Variants in SUGCT observed in about 807,000 individuals in gnomAD.
SUGCT encodes the protein succinyl-CoA:glutarate-CoA transferase, also known as succinyl-CoA:glutarate CoA-transferase.
SUGCT carries 41 observed loss-of-function variants against 55.0 expected under a neutral mutation model. The ratio of observed to expected loss-of-function variants is 0.74; its 90% CI spans 0.58 to 0.97. The LOEUF is 0.97. Among genes scored for constraint, SUGCT ranks in the 50% least tolerant of loss-of-function variants. The probability of loss-of-function intolerance (pLI) is 0.00; values close to 1 mark genes in which losing one functional copy is unlikely to be tolerated. For missense variants in SUGCT, 568 were observed against 547.8 expected, an observed-to-expected ratio of 1.04 and a Z score of -0.37; for synonymous variants, 187 against 200.4, an observed-to-expected ratio of 0.93 and a Z score of 0.56.
intron 12 of SUGCT, among the ~76,000 whole-genome samples, chr7:40,581,758 GC>G (rs1257405859): frequency 2.0e-5 from 3 of 152,144 alleles, no homozygotes; most frequent in Non-Finnish European, 4.4e-5. Context: ...TACAAATAGT[GC>G]CTAATTTATG....
intron 11 of SUGCT, among the ~76,000 whole-genome samples, chr7:40,484,150 C>T (rs1791205305): frequency 6.6e-6 from 1 of 152,130 alleles, no homozygotes; most frequent in East Asian, 1.9e-4. Context: ...CTTATCTTCT[C>T]AATGAATTTT....
intron 12 of SUGCT, among the ~76,000 whole-genome samples, chr7:40,729,925 C>T (rs1233327703): frequency 6.6e-6 from 1 of 152,094 alleles, no homozygotes; most frequent in African/African-American, 2.4e-5. Flanking sequence ...GTGAAATCTC[C>T]AAATTTTCAA....
At chr7:40,361,094 A>G (rs1419584144) in intron 9 of SUGCT, among the ~76,000 whole-genome samples, 1 of 152,126 alleles carries the variant, frequency 6.6e-6, no homozygotes, top group Non-Finnish European at 1.5e-5. Flanking sequence ...GTTATTAGGA[A>G]AGATGAGAGG....
chr7:40,772,565 GTGTTATCTATCTGCTATCTATCTATC>G (rs1430311872), intron 13 of SUGCT, among the ~76,000 whole-genome samples: 62 of 119,022 alleles, frequency 5.2e-4, no homozygotes, highest in African/African-American at 1.9e-3. Context: ...TATCTATCTG[GTGTTATCTATCTGCTATCTATCTATC>G]TATCTATCTA....
At chr7:41,036,691 T>C in the SUGCT span, among the ~76,000 whole-genome samples, 8,497 of 152,250 alleles carry the variant, frequency 0.056, 324 homozygotes, top group Non-Finnish European at 0.077. Context: ...ACCTAATAGC[T>C]GCCACTGCTG....
chr7:40,224,018 G>T (rs1404247966), intron 6 of SUGCT, among the ~76,000 whole-genome samples: 1 of 152,054 alleles, frequency 6.6e-6, no homozygotes, highest in Admixed American at 6.6e-5. Context: ...CCAGCTATAG[G>T]GAATTGGTTT....
At chr7:40,726,817 C>T (rs1218025033) in intron 12 of SUGCT, among the ~76,000 whole-genome samples, 5 of 152,062 alleles carry the variant, frequency 3.3e-5, no homozygotes, top group Admixed American at 3.3e-4. Context: ...GTGGGAGGAA[C>T]AAGTGTGATC....
chr7:40,718,783 C>T (rs1042117994), intron 12 of SUGCT, among the ~76,000 whole-genome samples: 2 of 152,156 alleles, frequency 1.3e-5, no homozygotes, highest in African/African-American at 2.4e-5. Context: ...ATTCCACATA[C>T]TTGTGTCTGA....
the SUGCT span, among the ~76,000 whole-genome samples, chr7:40,949,397 C>A: frequency 6.6e-6 from 1 of 151,838 alleles, no homozygotes; most frequent in South Asian, 2.1e-4. Context: ...TTCTCCCATT[C>A]TGTAGGTTGC....
At chr7:40,980,946 C>T in the SUGCT span, among the ~76,000 whole-genome samples, 4 of 152,180 alleles carry the variant, frequency 2.6e-5, no homozygotes, top group Non-Finnish European at 5.9e-5. Flanking sequence ...GATCCACCTG[C>T]CTTGGCCTCT....
At chr7:40,592,148 T>A (rs1056072392) in intron 12 of SUGCT, among the ~76,000 whole-genome samples, 1 of 152,202 alleles carries the variant, frequency 6.6e-6, no homozygotes, top group Non-Finnish European at 1.5e-5. Flanking sequence ...CAGGTTTAAA[T>A]ATGAGTTGAA....
At chr7:40,898,187 T>G in the SUGCT span, among the ~76,000 whole-genome samples, 4 of 152,026 alleles carry the variant, frequency 2.6e-5, no homozygotes, top group Non-Finnish European at 4.4e-5. Flanking sequence ...ACTGAACAAC[T>G]CTGGACGTGC....
Position 40,448,961 on chromosome 7 carries a change from T to TAGAG in SUGCT, c.817-306_817-303dup, listed in dbSNP as rs1163648397. Among the ~76,000 whole-genome samples, 356 of 144,118 alleles carry TAGAG rather than the reference T, an allele frequency of 2.5e-3. 2 individuals are homozygous for TAGAG. The highest frequency in any genetic ancestry group is 7.0e-3 in the African/African-American group (267 of 38,256). 94.5% of individuals were successfully genotyped at this position (144,118 alleles called of 152,430 possible). ...GTGTGTGTGTGTGTGTATATATATA[T>TAGAG]AGAGAGAGAGAGAGAGAGAGAGAAA... On this transcript the variant is annotated intron_variant, in intron 9 of 13. Transcript: ENST00000335693.
chr7:40,222,646 A>G (rs1788078975), intron 6 of SUGCT, among the ~76,000 whole-genome samples: 1 of 152,210 alleles, frequency 6.6e-6, no homozygotes, highest in Non-Finnish European at 1.5e-5. Flanking sequence ...GTTCAAGACC[A>G]GCCTGGCTAA....
intron 12 of SUGCT, chr7:40,499,286 T>G (rs936969825): frequency 7.1e-5 from 20 of 280,738 alleles, no homozygotes; most frequent in Middle Eastern, 1.2e-3. Flanking sequence ...GGAGACTCAG[T>G]AACGGCAGAA....
At chr7:40,326,187 A>C (rs950796304) in intron 9 of SUGCT, among the ~76,000 whole-genome samples, 1 of 152,064 alleles carries the variant, frequency 6.6e-6, no homozygotes, top group African/African-American at 2.4e-5. Flanking sequence ...CCAAATGAGG[A>C]AGAACTGGGC....
At chr7:41,020,707 C>T in the SUGCT span, among the ~76,000 whole-genome samples, 1 of 152,176 alleles carries the variant, frequency 6.6e-6, no homozygotes, top group Non-Finnish European at 1.5e-5. Flanking sequence ...AAGAACTGAG[C>T]AGTTCTAGCA....
chr7:40,177,854 A>G (rs1011445052), intron 1 of SUGCT, among the ~76,000 whole-genome samples: 4 of 152,036 alleles, frequency 2.6e-5, no homozygotes, highest in Admixed American at 1.3e-4. Flanking sequence ...GGTTCAAGAG[A>G]TTATCCTGTC....
intron 10 of SUGCT, among the ~76,000 whole-genome samples, chr7:40,451,957 G>C (rs1488377874): frequency 6.6e-6 from 1 of 152,200 alleles, no homozygotes; most frequent in Non-Finnish European, 1.5e-5. Context: ...CTTTCGTCAA[G>C]TACACTCCAT....
Sources: allele counts gnomAD v4.1 joint callset (sites outside exome capture counted in the v4.1 genomes callset), GRCh38; gene constraint gnomAD v4.1.1; transcripts MANE v1.5; gene names NCBI Gene and HGNC (gene_info 2026-07-23, HGNC 2026-07-21).